ITGB6: variants seen among roughly 807,000 people sequenced by gnomAD.
ITGB6 encodes integrin beta-6.
Under a neutral mutation model 84.5 loss-of-function variants are expected in ITGB6, and 80 were observed. The observed-to-expected ratio is 0.95, with a 90% CI of 0.79 to 1.14. The LOEUF (loss-of-function observed/expected upper bound fraction) is 1.14. ITGB6 is among the 50% of genes most tolerant of loss of function. The pLI, the probability that ITGB6 is intolerant of heterozygous loss-of-function variation, is 0.00. For synonymous variants in ITGB6, 383 were observed against 354.9 expected, an observed-to-expected ratio of 1.08 and a Z score of -0.89; for missense variants, 1,006 against 968.0, an observed-to-expected ratio of 1.04 and a Z score of -0.52.
chr2:160,105,582 C>G (rs1333687611), intron 14 of ITGB6, among the ~76,000 whole-genome samples: 1 of 152,104 alleles, frequency 6.6e-6, no homozygotes, highest in Non-Finnish European at 1.5e-5. Context: ...TAACCATGCA[C>G]CAAAAGTTAG....
chr2:160,114,893 G>A (rs773971545), intron 12 of ITGB6, among the ~76,000 whole-genome samples: 47 of 152,320 alleles, frequency 3.1e-4, no homozygotes, highest in Non-Finnish European at 5.4e-4. Flanking sequence ...ACGGAGTCTC[G>A]CTGATTGCTA....
chr2:160,172,566 C>A lies in ITGB6; in HGVS notation c.921+3G>T. On this transcript the variant is annotated splice_donor_region_variant and intron_variant, in intron 6 of 14. Coordinates refer to ENST00000283249, the MANE Select transcript of ITGB6 (RefSeq NM_000888.5). ...AAAACAGTACAGAGTGCAGGTTACA[C>A]ACCAAGACAGTTGACATGGAGTATT... 1 of 1,596,490 alleles carries A rather than the reference C, an allele frequency of 6.3e-7. No individual in the cohort carries two copies. Among genetic ancestry groups the A allele is most frequent in the Non-Finnish European group, 8.6e-7 (1 of 1,165,322 alleles).
intron 4 of ITGB6, among the ~76,000 whole-genome samples, chr2:160,184,537 T>A (rs1347128329): frequency 1.3e-5 from 2 of 152,198 alleles, no homozygotes; most frequent in Non-Finnish European, 2.9e-5. Context: ...CACAGCCAAA[T>A]TCTACCAGAA....
At chr2:160,115,942 T>C (rs13005391) in intron 12 of ITGB6, among the ~76,000 whole-genome samples, 95,195 of 144,536 alleles carry the variant, frequency 0.66, 31,705 homozygotes, top group Admixed American at 0.73. Context: ...TGAAATGAAG[T>C]GAGAAGGGAA....
chr2:160,195,375 G>T lies in ITGB6; in HGVS notation c.587C>A (p.Pro196His), dbSNP rs941116570. The T allele has an allele frequency of 1.5e-5, 25 of 1,614,004 alleles. No homozygotes were observed. The highest frequency in any genetic ancestry group is 1.9e-5 in the Non-Finnish European group (23 of 1,179,992). Residue 196 changes from proline to histidine, a missense_variant, in exon 4 of 15, where the codon CCT (proline) becomes CAT (histidine). Transcript: ENST00000283249. ...VKTTPEEIAN[P>H]CSSIPYFCLP... is the part of the protein sequence containing the mutation. ...AAGAGAATCATTTACTTACCTGCAA[G>T]GGTTGGCAATTTCTTCTGGTGTTGT...
chr2:160,125,201 G>A (rs545744939), intron 11 of ITGB6, among the ~76,000 whole-genome samples: 1 of 152,264 alleles, frequency 6.6e-6, no homozygotes, highest in Admixed American at 6.5e-5. Context: ...CTTTGCCCAT[G>A]GCATAACATG....
chr2:160,129,854 C>T (rs933255380), intron 10 of ITGB6, among the ~76,000 whole-genome samples: 3 of 151,820 alleles, frequency 2.0e-5, no homozygotes, highest in African/African-American at 7.3e-5. Context: ...ATGATAGACA[C>T]AAAGATTTTG....
At chr2:160,102,759 C>T (rs1696768662) in intron 14 of ITGB6, among the ~76,000 whole-genome samples, 1 of 151,574 alleles carries the variant, frequency 6.6e-6, no homozygotes, top group South Asian at 2.1e-4. Context: ...AGTTTCTTCT[C>T]TCCCACTTTC....
chr2:160,172,638 G>T lies in ITGB6; in HGVS notation c.852C>A (p.Gly284=), dbSNP rs1161591542. 1.9e-6 allele frequency: 3 copies of T among 1,612,094 alleles called. No homozygotes were observed. The African/African-American group carries it at 4.0e-5, about 22-fold the overall frequency. ...AGAGCCCGTCATTAGGAATGACGAT[G>T]CCTGCTAGTTTGCTGTCCATTCCAA... ...SHFGMDSKLA[G]IVIPNDGLCH... Residue 284 remains glycine, a synonymous_variant, in exon 6 of 15, where the codon GGC becomes GGA. Transcript: ENST00000283249.
chr2:160,164,063 G>A (rs778810589), intron 7 of ITGB6, among the ~76,000 whole-genome samples: 1 of 152,190 alleles, frequency 6.6e-6, no homozygotes, highest in African/African-American at 2.4e-5. Flanking sequence ...ATAGAAAAGA[G>A]TAAAAACATT....
chr2:160,163,230 A>C (rs748565333), intron 7 of ITGB6, among the ~76,000 whole-genome samples: 7 of 152,226 alleles, frequency 4.6e-5, no homozygotes, highest in Non-Finnish European at 8.8e-5. Flanking sequence ...GAAGAACCCT[A>C]GATGAAGTAT....
At chr2:160,119,660 A>G (rs1338863748) in intron 12 of ITGB6, among the ~76,000 whole-genome samples, 5 of 152,158 alleles carry the variant, frequency 3.3e-5, no homozygotes, top group African/African-American at 7.2e-5. Flanking sequence ...GTCAAAATTA[A>G]CAAATGGGAT....
chr2:160,185,562 G>A (rs1685860648), intron 4 of ITGB6, among the ~76,000 whole-genome samples: 1 of 152,186 alleles, frequency 6.6e-6, no homozygotes, highest in Non-Finnish European at 1.5e-5. Flanking sequence ...GTAATTTATA[G>A]ATTCAATGCT....
In ITGB6 at chr2:160,167,193, A is replaced by G. The variant is rs146017749; in HGVS notation, c.1017+2019T>C. Among the ~76,000 whole-genome samples the G allele has an allele frequency of 5.1e-3, 777 of 152,340 alleles. 8 individuals are homozygous for G. Among genetic ancestry groups the G allele is most frequent in the African/African-American group, 0.017 (727 of 41,566 alleles). On this transcript the variant is annotated intron_variant, in intron 7 of 14. Transcript: ENST00000283249. ...ACATCAAATCGCACAGGACTCCTGC[A>G]CATACAGGGCTCCTTCTAAAAGATG...
intron 12 of ITGB6, among the ~76,000 whole-genome samples, chr2:160,113,802 G>A (rs192207056): frequency 2.0e-5 from 3 of 152,310 alleles, no homozygotes; most frequent in African/African-American, 7.2e-5. Context: ...AAATGGTATT[G>A]CATATATAAT....
At chr2:160,189,763 A>C (rs891441373) in intron 4 of ITGB6, among the ~76,000 whole-genome samples, 15 of 152,124 alleles carry the variant, frequency 9.9e-5, no homozygotes, top group Non-Finnish European at 1.6e-4. Context: ...GTGGGACTGT[A>C]AACTAGTTCA....
At chr2:160,197,281 G>T (rs151248166) in intron 2 of ITGB6, among the ~76,000 whole-genome samples, 4,715 of 152,032 alleles carry the variant, frequency 0.031, 198 homozygotes, top group African/African-American at 0.1. Context: ...GGGCGACAGA[G>T]CAAGACTCCG....
intron 4 of ITGB6, among the ~76,000 whole-genome samples, chr2:160,191,238 T>A (rs1686129623): frequency 6.6e-6 from 1 of 152,204 alleles, no homozygotes; most frequent in South Asian, 2.1e-4. Flanking sequence ...TAACTCTTTA[T>A]AGAAATCTAT....
In ITGB6 at chr2:160,200,058, C is replaced by G; in HGVS notation, c.6G>C (p.Gly2=). M[G]IELLCLFFLF... ...GAAAGAACAGGCAAAGCAGTTCAAT[C>G]CCCATTCGTTTCAGTTCTTGCTGTG... The change falls in exon 1 of 15, where the codon GGG becomes GGC. Residue 2 remains glycine (G), a synonymous_variant. Coordinates refer to ENST00000283249, the MANE Select transcript of ITGB6 (RefSeq NM_000888.5). 1 of 1,613,768 alleles carries G rather than the reference C, an allele frequency of 6.2e-7. No individual in the cohort carries two copies. The highest frequency in any genetic ancestry group is 8.5e-7 in the Non-Finnish European group (1 of 1,179,750).
Sources: gnomAD v4.1 joint callset for allele counts (sites outside exome capture counted in the v4.1 genomes callset) on GRCh38, gnomAD v4.1.1 for gene constraint, MANE v1.5 for transcripts, NCBI Gene and HGNC (gene_info 2026-07-23, HGNC 2026-07-21) for gene names.